Variants in ADAP1 observed in about 807,000 individuals in gnomAD.
ADAP1 encodes the protein arf-GAP with dual PH domain-containing protein 1.
A neutral mutation model predicts 54.9 loss-of-function variants in ADAP1; 31 were observed. The observed-to-expected ratio is 0.56, with a 90% CI of 0.42 to 0.76. The LOEUF is 0.76. ADAP1 is among the 30% of genes least tolerant of loss of function. The pLI is 0.00. For missense variants in ADAP1, 535 were observed against 512.4 expected (o/e 1.04, Z -0.42); for synonymous variants, 313 against 202.6 (o/e 1.55, Z -4.63).
chr7:909,123 GTCCTCCC>G (rs1292171219), intron 4 of ADAP1, among the ~76,000 whole-genome samples: 11 of 145,714 alleles, frequency 7.5e-5, no homozygotes, highest in Admixed American at 3.4e-4. Context: ...GGGAACCCCG[GTCCTCCC>G]GACAGCAGGC....
chr7:900,057 T>C (rs1022773400), intron 8 of ADAP1, 45 bp downstream of exon 8: 19 of 1,608,750 alleles, frequency 1.2e-5, no homozygotes, highest in Admixed American at 6.7e-5. Flanking sequence ...AGACCCACCA[T>C]GGCGTACCCC....
At position 920,827 on chromosome 7, in the gene ADAP1, A is replaced by G. The variant is rs1562926429; in HGVS notation, c.306-777T>C. 6.5e-7 allele frequency: 1 copy of G among 1,550,046 alleles called. No individual in the cohort carries two copies. The highest frequency in any genetic ancestry group is 2.0e-5 in the Admixed American group (1 of 50,974). On this transcript the variant is annotated intron_variant, in intron 3 of 10. Coordinates refer to ENST00000265846, the MANE Select transcript of ADAP1 (RefSeq NM_006869.4). The surrounding 1 kb of genome is among the most constrained non-coding windows in gnomAD (Gnocchi z 4.5). Reference sequence around the variant, plus strand: ...ATTGCAGAAACCACGACCCACACACAGGCCCGGCACGGCCCAGGTGCACAG... The same window carrying G: ...ATTGCAGAAACCACGACCCACACACGGGCCCGGCACGGCCCAGGTGCACAG...
chr7:945,817 G>A lies in ADAP1; in HGVS notation c.82+8579C>T. 1.0e-6 allele frequency: 1 copy of A among 985,602 alleles called. No homozygotes were observed. The highest frequency in any genetic ancestry group is 1.2e-6 in the Non-Finnish European group (1 of 830,014). The allele number at this position is 985,602 out of a possible 1,614,324, so 61.1% of individuals were successfully genotyped here. The stretch of plus-strand genomic sequence containing the variant: ...CGCTCACCATTTCCGGAGCTGGTCT[G>A]GGGCACCTGGGCAGGTGAGCCACAT... On this transcript the variant is annotated intron_variant, in intron 1 of 10. Transcript: ENST00000265846. This position sits in a 1 kb window ranked among gnomAD's most constrained non-coding sequence, Gnocchi z 4.2.
chr7:923,455 G>A (rs904687618), intron 3 of ADAP1: 5 of 151,892 alleles, frequency 3.3e-5, no homozygotes, highest in African/African-American at 9.7e-5. Flanking sequence ...GCGGCCGCAC[G>A]ACTTTCTTTC....
chr7:905,236 C>G, intron 4 of ADAP1, 64 bp from the exon 5 acceptor site: 1 of 1,240,164 alleles, frequency 8.1e-7, no homozygotes, highest in South Asian at 1.2e-5. Flanking sequence ...AAAGGAGTGA[C>G]GATGGACAGG....
chr7:900,270 G>C, intron 7 of ADAP1, 106 bp from the exon 8 acceptor site: 3 of 1,408,710 alleles, frequency 2.1e-6, no homozygotes, highest in South Asian at 1.2e-5. Context: ...CACCAGGTCA[G>C]GGCCCAGGCC....
At chr7:900,904 G>C (rs1158382376) in intron 6 of ADAP1, 2 of 579,778 alleles carry the variant, frequency 3.4e-6, no homozygotes, top group African/African-American at 1.9e-5. Context: ...GGGCCGGGCT[G>C]GACAGGGTCG....
chr7:897,911 C>G lies in ADAP1; in HGVS notation c.*1010G>C, dbSNP rs1384476846. ...CTCGGACACACAGCTGGAACCATGC[C>G]AGAGCCACATTTTATTCCAGGATGC... is the stretch of plus-strand genomic sequence containing the variant. On this transcript the variant is annotated 3_prime_UTR_variant, in exon 11 of 11. Coordinates refer to ENST00000265846, the MANE Select transcript of ADAP1 (RefSeq NM_006869.4). The G allele has an allele frequency of 6.6e-6, 1 of 152,260 alleles. No individual in the cohort carries two copies. Among genetic ancestry groups the G allele is most frequent in the Non-Finnish European group, 1.5e-5 (1 of 68,060 alleles). 9.4% of individuals were successfully genotyped at this position (152,260 alleles called of 1,614,324 possible).
intron 4 of ADAP1, 199 bp from the exon 5 acceptor site, chr7:905,371 G>GGAAAGGAGAACGGA (rs1845099802): frequency 3.3e-5 from 2 of 60,090 alleles, no homozygotes; most frequent in African/African-American, 9.5e-4. Flanking sequence ...AAAGGGAAAG[G>GGAAAGGAGAACGGA]GAAAGGAGAA....
In ADAP1 at chr7:898,706, G is replaced by C. The variant is rs545514134; in HGVS notation, c.*215C>G. On this transcript the variant is annotated 3_prime_UTR_variant, in exon 11 of 11. Transcript: ENST00000265846. Reference sequence around the variant, plus strand: ...TGGGTGTGGTCAGCAGCAGCATGACGGGGTTAGAGATCAGGCCCAGGGCCT... The same window carrying C: ...TGGGTGTGGTCAGCAGCAGCATGACCGGGTTAGAGATCAGGCCCAGGGCCT... 1 of 625,208 alleles carries C rather than the reference G, an allele frequency of 1.6e-6. No individual in the cohort carries two copies. Among genetic ancestry groups the C allele is most frequent in the Admixed American group, 2.9e-5 (1 of 34,462 alleles). The allele number at this position is 625,208 out of a possible 1,614,324, so 38.7% of individuals were successfully genotyped here.
chr7:905,901 A>AGAAGGGAGAAG (rs1845251088), intron 4 of ADAP1, among the ~76,000 whole-genome samples: 1 of 18,330 alleles, frequency 5.5e-5, no homozygotes, highest in Non-Finnish European at 1.2e-4. Flanking sequence ...GAAAGGAGAA[A>AGAAGGGAGAAG]GGAGAAAGGG....
At chr7:951,569 T>C (rs1303933347) in intron 1 of ADAP1, among the ~76,000 whole-genome samples, 2 of 149,166 alleles carry the variant, frequency 1.3e-5, no homozygotes, top group Non-Finnish European at 3.0e-5. Context: ...ATCGAGAGAC[T>C]GTCTTAAAAA....
At chr7:904,785 C>A (rs1192602874) in intron 5 of ADAP1, among the ~76,000 whole-genome samples, 1 of 152,244 alleles carries the variant, frequency 6.6e-6, no homozygotes, top group African/African-American at 2.4e-5. Flanking sequence ...GGCCCAGTGA[C>A]TAGGTTCTCC....
At chr7:910,623 C>G (rs1224986669) in intron 4 of ADAP1, among the ~76,000 whole-genome samples, 1 of 152,238 alleles carries the variant, frequency 6.6e-6, no homozygotes, top group Admixed American at 6.5e-5. Context: ...ATGTAAATCA[C>G]ACCTCACGTA....
In ADAP1 at chr7:905,419, GAGAAA is replaced by G. The variant is rs138279851; in HGVS notation, c.389-252_389-248del. 1.5e-4 allele frequency: 18 copies of G among 123,102 alleles called. 2 individuals carry two copies. Among genetic ancestry groups the G allele is most frequent in the East Asian group, 2.0e-4 (1 of 4,886 alleles). 7.6% of individuals were successfully genotyped at this position (123,102 alleles called of 1,614,324 possible). A position where few individuals can be genotyped will look rare whatever the true frequency, so the allele number is the denominator to read the frequency against. ...AAAGGAGAAAGGAGAAAGGGAGAAA[GAGAAA>G]GGAGAAAGGAGAAAGGGAGAAAGGG... On this transcript the variant is annotated intron_variant, in intron 4 of 10. Transcript: ENST00000265846.
chr7:901,179 C>G (rs1434332098), intron 6 of ADAP1: 1 of 370,398 alleles, frequency 2.7e-6, no homozygotes, highest in Non-Finnish European at 5.3e-6. Flanking sequence ...CACCCTGGAA[C>G]AGAGGGCCCA....
At chr7:900,188 G>A in intron 7 of ADAP1, 24 bp from the exon 8 acceptor site, 4 of 1,612,780 alleles carry the variant, frequency 2.5e-6, no homozygotes, top group Non-Finnish European at 3.4e-6. Context: ...CACCAGGCAG[G>A]GGACCTCAGA....
chr7:935,575 C>T (rs1490018419), intron 1 of ADAP1, 70 bp from the exon 2 acceptor site: 8 of 1,532,078 alleles, frequency 5.2e-6, no homozygotes, highest in Admixed American at 4.0e-5. Context: ...GACGGAGCCT[C>T]GAGTCAGGAG....
intron 1 of ADAP1, 140 bp from the exon 2 acceptor site, chr7:935,645 G>T: frequency 1.8e-6 from 2 of 1,115,428 alleles, no homozygotes; most frequent in Non-Finnish European, 2.5e-6. Context: ...CAGGCTCCGT[G>T]CGCCCCACAG....
Sources: gnomAD v4.1 joint callset for allele counts (sites outside exome capture counted in the v4.1 genomes callset) on GRCh38, gnomAD v4.1.1 for gene constraint, Gnocchi (gnomAD v3.1) non-coding constraint, MANE v1.5 for transcripts, NCBI Gene and HGNC (gene_info 2026-07-23, HGNC 2026-07-21) for gene names.